TMEM45B: variants seen among roughly 807,000 people sequenced by gnomAD.
TMEM45B encodes the protein transmembrane protein 45B.
Under a neutral mutation model 27.3 loss-of-function variants are expected in TMEM45B, and 29 were observed. The observed-to-expected ratio is 1.06, with a 90% CI of 0.79 to 1.45. The LOEUF (loss-of-function observed/expected upper bound fraction) is 1.45, where lower values mean the gene tolerates loss of function less well. Ranked by LOEUF, TMEM45B falls within the 40% of genes most tolerant of loss-of-function variation. The pLI is 0.00. For synonymous variants in TMEM45B, 143 were observed against 134.7 expected (o/e 1.06, Z -0.43); for missense variants, 348 against 343.9 (o/e 1.01, Z -0.09).
chr11:129,857,322 G>C lies in TMEM45B; in HGVS notation c.580G>C (p.Val194Leu), dbSNP rs761323570. 1.4e-5 allele frequency: 22 copies of C among 1,614,082 alleles called. No homozygotes were observed. The highest frequency in any genetic ancestry group is 2.2e-5 in the East Asian group (1 of 44,896). Residue 194 changes from valine to leucine, a missense_variant, in exon 5 of 6, where the codon GTG becomes CTG. Physicochemically the swap from Val to Leu is conservative, Grantham distance 32 (BLOSUM62 1). Coordinates refer to ENST00000281441, the MANE Select transcript of TMEM45B (RefSeq NM_138788.5). ...QGTWFWQIGFVLFPPFGTPEW... is the reference protein window; with the variant it reads ...QGTWFWQIGFLLFPPFGTPEW... ...CTCTGTAATCCCCTAGATTGGGTTT[G>C]TGCTGTTCCCACCTTTTGGAACACC...
At chr11:129,831,899 CT>C (rs1306551140) in intron 1 of TMEM45B, among the ~76,000 whole-genome samples, 1 of 151,842 alleles carries the variant, frequency 6.6e-6, no homozygotes, top group East Asian at 1.9e-4. Context: ...AACCCCATCT[CT>C]ATTATAAATG....
At chr11:129,841,016 T>G (rs1330483535) in intron 1 of TMEM45B, among the ~76,000 whole-genome samples, 1 of 126,882 alleles carries the variant, frequency 7.9e-6, no homozygotes, top group African/African-American at 2.8e-5. Context: ...AAATTGTTTA[T>G]CAAAACCAAG....
chr11:129,856,319 C>T (rs985198949), intron 4 of TMEM45B, among the ~76,000 whole-genome samples: 1 of 151,976 alleles, frequency 6.6e-6, no homozygotes, highest in Non-Finnish European at 1.5e-5. Flanking sequence ...TCAAGCGATT[C>T]TCATGCCTCA....
At chr11:129,852,222 T>C (rs914251429) in intron 1 of TMEM45B, among the ~76,000 whole-genome samples, 1 of 151,358 alleles carries the variant, frequency 6.6e-6, no homozygotes, top group Non-Finnish European at 1.5e-5. Flanking sequence ...TCCTCCTCTT[T>C]CCCCACCCTC....
chr11:129,843,706 C>T (rs1405486804), intron 1 of TMEM45B, among the ~76,000 whole-genome samples: 1 of 151,860 alleles, frequency 6.6e-6, no homozygotes, highest in African/African-American at 2.4e-5. Context: ...CATCACTAAT[C>T]GTCAGGGAAA....
At chr11:129,831,455 C>A (rs1418026063) in intron 1 of TMEM45B, among the ~76,000 whole-genome samples, 1 of 152,152 alleles carries the variant, frequency 6.6e-6, no homozygotes. Flanking sequence ...TGATTCATAT[C>A]CAGGGTGGGA....
chr11:129,841,599 T>TG lies in TMEM45B; in HGVS notation c.-8-10876_-8-10875insG, dbSNP rs1383026827. On this transcript the variant is annotated intron_variant, in intron 1 of 5. Transcript: ENST00000281441. ...GTTTTCTTTTGTTTTTTTGTTTTTTTTTTTTTTTTGGAGACAAGAGTCTCA... is the reference window on the plus strand; with the variant it reads ...GTTTTCTTTTGTTTTTTTGTTTTTTTGTTTTTTTTTGGAGACAAGAGTCTCA... Among the ~76,000 whole-genome samples the TG allele has an allele frequency of 8.3e-5, 12 of 145,394 alleles. No homozygotes were observed. The East Asian group carries it at 2.4e-3, about 29-fold the overall frequency.
Position 129,858,708 on chromosome 11 carries a change from T to G in TMEM45B, c.*23T>G. ...TGAGCCGAGATGCGGAGGGCGCAGA[T>G]GTCCCACTGCACAGCTGGAATGAAT... On this transcript the variant is annotated 3_prime_UTR_variant, in exon 6 of 6. Transcript: ENST00000281441. 6.7e-7 allele frequency: 1 copy of G among 1,501,138 alleles called. No individual in the cohort carries two copies. Among genetic ancestry groups the G allele is most frequent in the Non-Finnish European group, 9.1e-7 (1 of 1,101,540 alleles). 93.0% of individuals were successfully genotyped at this position (1,501,138 alleles called of 1,614,324 possible).
rs552516917 is a variant in TMEM45B at position 129,860,000 on chromosome 11, G to C, written c.*1315G>C. The C allele has an allele frequency of 6.6e-6, 1 of 152,406 alleles. No individual in the cohort carries two copies. The highest frequency in any genetic ancestry group is 1.5e-5 in the Non-Finnish European group (1 of 68,022). 9.4% of individuals were successfully genotyped at this position (152,406 alleles called of 1,614,324 possible). ...GTGCTGAGAGGCAAGTACAAACCAC[G>C]ATGAGAAAAAGGAGAGGAGGGGAAA... On this transcript the variant is annotated 3_prime_UTR_variant, in exon 6 of 6. Coordinates refer to ENST00000281441, the MANE Select transcript of TMEM45B (RefSeq NM_138788.5).
intron 1 of TMEM45B, among the ~76,000 whole-genome samples, chr11:129,831,439 A>C (rs2135564730): frequency 6.6e-6 from 1 of 152,342 alleles, no homozygotes; most frequent in East Asian, 1.9e-4. Flanking sequence ...ATGCTGGAGA[A>C]AGCGATGATT....
chr11:129,822,383 T>C (rs529882894), intron 1 of TMEM45B, among the ~76,000 whole-genome samples: 2 of 152,270 alleles, frequency 1.3e-5, no homozygotes, highest in South Asian at 4.1e-4. Context: ...TTTATACATG[T>C]TTGGGGATGG....
Position 129,858,567 on chromosome 11 carries a change from A to G in TMEM45B, c.717-7A>G. On this transcript the variant is annotated splice_polypyrimidine_tract_variant and splice_region_variant and intron_variant, in intron 5 of 5. Coordinates refer to ENST00000281441, the MANE Select transcript of TMEM45B (RefSeq NM_138788.5). The stretch of plus-strand genomic sequence containing the variant: ...GCTAATTGGCTCTTACTCTTTCTCT[A>G]TTAAAGCCTTTTGACTCGGATGAAG... 1.3e-6 allele frequency: 2 copies of G among 1,573,740 alleles called. No individual in the cohort carries two copies. Among genetic ancestry groups the G allele is most frequent in the East Asian group, 2.3e-5 (1 of 43,920 alleles).
intron 1 of TMEM45B, among the ~76,000 whole-genome samples, chr11:129,851,319 A>G (rs61913687): frequency 0.38 from 56,646 of 150,826 alleles, 10,916 homozygotes; most frequent in East Asian, 0.47. Context: ...CGAGGTGGGC[A>G]GATCACCTAA....
In TMEM45B at chr11:129,856,578, G is replaced by A. The variant is rs1274299047; in HGVS notation, c.570+686G>A. Among the ~76,000 whole-genome samples, 2 of 32,144 alleles carry A rather than the reference G, an allele frequency of 6.2e-5. 1 individual carries two copies. Among genetic ancestry groups the A allele is most frequent in the Admixed American group, 7.4e-4 (2 of 2,698 alleles). 21.1% of individuals were successfully genotyped at this position (32,144 alleles called of 152,430 possible). The stretch of plus-strand genomic sequence containing the variant: ...GCCTTTTTTTTTTTTTTTTTTTTCT[G>A]AGACAGAGTCTCGCTTTGTCGCCCA... On this transcript the variant is annotated intron_variant, in intron 4 of 5. Transcript: ENST00000281441.
At chr11:129,852,129 C>T (rs1346601987) in intron 1 of TMEM45B, among the ~76,000 whole-genome samples, 23 of 152,156 alleles carry the variant, frequency 1.5e-4, no homozygotes, top group Non-Finnish European at 1.5e-5. Flanking sequence ...GCTTATATAG[C>T]TGAACGTTTT....
Position 129,857,436 on chromosome 11 carries a change from G to A in TMEM45B, c.694G>A (p.Val232Ile), listed in dbSNP as rs200543680. 344 of 1,614,130 alleles carry A rather than the reference G, an allele frequency of 2.1e-4. 1 individual carries two copies. Among genetic ancestry groups the A allele is most frequent in the South Asian group, 4.2e-4 (38 of 91,086 alleles). ...CCTGGCTGCCCTCAGCATTGTGGCC[G>A]TCAACTATTCTCTTGTTTACTGGTA... ...HYLAALSIVAVNYSLVYCLLT... is the reference protein window; with the variant it reads ...HYLAALSIVAINYSLVYCLLT... Residue 232 changes from valine (V) to isoleucine (I), a missense_variant, in exon 5 of 6, where the codon GTC (valine) becomes ATC (isoleucine). By Grantham distance (29) the Val-to-Ile change is conservative. Transcript: ENST00000281441.
chr11:129,826,405 T>C (rs61916114), intron 1 of TMEM45B, among the ~76,000 whole-genome samples: 48,635 of 150,778 alleles, frequency 0.32, 8,429 homozygotes, highest in East Asian at 0.48. Flanking sequence ...AAAAATTAGC[T>C]GGGCGTGGTG....
At chr11:129,853,943 G>A (rs956670920) in intron 2 of TMEM45B, among the ~76,000 whole-genome samples, 5 of 152,186 alleles carry the variant, frequency 3.3e-5, no homozygotes, top group African/African-American at 1.2e-4. Context: ...AAAGTAGAAG[G>A]GATAAGAACT....
chr11:129,823,511 T>A (rs931094411), intron 1 of TMEM45B, among the ~76,000 whole-genome samples: 4 of 152,192 alleles, frequency 2.6e-5, no homozygotes, highest in African/African-American at 9.6e-5. Flanking sequence ...AACAGTGCCT[T>A]ATGCATAACA....
Sources: allele counts gnomAD v4.1 joint callset (sites outside exome capture counted in the v4.1 genomes callset), GRCh38; gene constraint gnomAD v4.1.1; transcripts MANE v1.5; gene names NCBI Gene and HGNC (gene_info 2026-07-23, HGNC 2026-07-21).